The following TAF2 variants were observed in gnomAD, a reference collection of about 807,000 sequenced individuals.
The protein encoded by TAF2 is transcription initiation factor TFIID subunit 2.
TAF2 carries 61 observed loss-of-function variants against 138.5 expected under a neutral mutation model. The observed-to-expected ratio is 0.44, with a 90% CI of 0.36 to 0.54. The LOEUF is 0.54. Ranked by LOEUF, TAF2 falls within the 20% of genes least tolerant of loss-of-function variation. The pLI, the probability that TAF2 is intolerant of heterozygous loss-of-function variation, is 0.00. For missense variants in TAF2, 1,090 were observed against 1,427.9 expected (o/e 0.76, Z 3.81); for synonymous variants, 475 against 469.9 (o/e 1.01, Z -0.14).
intron 1 of TAF2, 148 bp from the exon 2 acceptor site, chr8:119,831,879 G>A (rs1048945052): frequency 1.3e-5 from 7 of 528,178 alleles, no homozygotes; most frequent in African/African-American, 2.0e-5. Flanking sequence ...TACGAATTGG[G>A]GCCTGGTGCG....
At chr8:119,780,870 G>A (rs985958987) in intron 17 of TAF2, among the ~76,000 whole-genome samples, 183 bp downstream of exon 17, 5 of 147,200 alleles carry the variant, frequency 3.4e-5, no homozygotes, top group African/African-American at 1.2e-4. Context: ...GGGAGGCGGA[G>A]CTTGCAGTGA....
intron 1 of TAF2, 151 bp from the exon 2 acceptor site, chr8:119,831,882 C>A: frequency 1.9e-6 from 1 of 525,130 alleles, no homozygotes; most frequent in Non-Finnish European, 3.1e-6. Flanking sequence ...GAATTGGGGC[C>A]TGGTGCGGTG....
chr8:119,789,569 T>C (rs1195264797), intron 12 of TAF2, 23 bp downstream of exon 12: 2 of 1,612,296 alleles, frequency 1.2e-6, no homozygotes, highest in Non-Finnish European at 1.7e-6. Flanking sequence ...CCCACTCTGT[T>C]GAACTGCTAT....
At chr8:119,746,584 TA>T in intron 23 of TAF2, 120 bp downstream of exon 23, 3 of 1,080,050 alleles carry the variant, frequency 2.8e-6, no homozygotes, top group Non-Finnish European at 4.2e-6. Context: ...CAGCATTTTT[TA>T]AAAGGACACA....
intron 10 of TAF2, 152 bp downstream of exon 10, chr8:119,793,214 G>T: frequency 1.9e-6 from 1 of 532,594 alleles, no homozygotes; most frequent in Non-Finnish European, 3.3e-6. Context: ...AATCTTATGA[G>T]CTTTATGAGT....
chr8:119,768,584 G>C (rs1821608637), intron 18 of TAF2, among the ~76,000 whole-genome samples: 1 of 152,186 alleles, frequency 6.6e-6, no homozygotes, highest in Non-Finnish European at 1.5e-5. Flanking sequence ...CCAAGCATAT[G>C]GTCAATTTGG....
rs146351425 is a variant in TAF2 at position 119,732,151 on chromosome 8, G to C, written c.3373C>G (p.Pro1125Ala). Residue 1125 changes from proline (P) to alanine (A), a missense_variant, in exon 26 of 26, where the codon CCA becomes GCA. Coordinates refer to ENST00000378164, the MANE Select transcript of TAF2 (RefSeq NM_003184.4). ...ACTGAGAGTGGAGCGCTTGCCGCTG[G>C]ATGCATACTCATCTCCAAAGGTGCT... The part of the protein sequence containing the change: ...EQAPLEMSMH[P>A]AASAPLSVFT... 6.8e-6 allele frequency: 11 copies of C among 1,614,016 alleles called. No homozygotes were observed. The African/African-American group carries it at 1.5e-4, about 22-fold the overall frequency.
At position 119,831,605 on chromosome 8, in the gene TAF2, T is replaced by C. The variant is rs1286438412; in HGVS notation, c.138+72A>G. 3 of 1,123,660 alleles carry C rather than the reference T, an allele frequency of 2.7e-6. No homozygotes were observed. The East Asian group carries it at 7.1e-5, about 27-fold the overall frequency. 69.6% of individuals were successfully genotyped at this position (1,123,660 alleles called of 1,614,324 possible). On this transcript the variant is annotated intron_variant, in intron 2 of 25. Coordinates refer to ENST00000378164, the MANE Select transcript of TAF2 (RefSeq NM_003184.4). ...TCTGGAAGACTACAAACTTTCTAAGTACTGTGAGGGGTGGATTGTTACTCT... is the reference window on the plus strand; with the variant it reads ...TCTGGAAGACTACAAACTTTCTAAGCACTGTGAGGGGTGGATTGTTACTCT...
chr8:119,760,961 C>T (rs1043648973), intron 19 of TAF2, among the ~76,000 whole-genome samples: 2 of 152,110 alleles, frequency 1.3e-5, no homozygotes, highest in Non-Finnish European at 2.9e-5. Flanking sequence ...TAATTTATCA[C>T]TAAAGAAAAA....
In TAF2 at chr8:119,832,626, T is replaced by A. The variant is rs770925039; in HGVS notation, c.-62A>T. 17 of 1,512,394 alleles carry A rather than the reference T, an allele frequency of 1.1e-5. No homozygotes were observed. In the African/African-American group the frequency reaches 2.1e-4, roughly 18 times the overall value. The allele number at this position is 1,512,394 out of a possible 1,614,324, so 93.7% of individuals were successfully genotyped here. A position where few individuals can be genotyped will look rare whatever the true frequency, so the allele number is the denominator to read the frequency against. On this transcript the variant is annotated 5_prime_UTR_variant, in exon 1 of 26. The change creates a new upstream start codon in the 5' untranslated region. Transcript: ENST00000378164. ...AGGGGGATACGGGGCATTACTAGTC[T>A]TTGGCACCTCACACTCTCCACTCCC... is the stretch of plus-strand genomic sequence containing the variant.
At position 119,812,885 on chromosome 8, in the gene TAF2, T is replaced by C. The variant is rs1825193412; in HGVS notation, c.299+6461A>G. ...TTAGGCTGGTTCCATATCTTTGCAA[T>C]TGTGAATTGTGCTGCAATAAACATA... On this transcript the variant is annotated intron_variant, in intron 3 of 25. Coordinates refer to ENST00000378164, the MANE Select transcript of TAF2 (RefSeq NM_003184.4). Among the ~76,000 whole-genome samples, 3 of 152,174 alleles carry C rather than the reference T, an allele frequency of 2.0e-5. 1 individual carries two copies. The highest frequency in any genetic ancestry group is 4.1e-4 in the South Asian group (2 of 4,832).
intron 16 of TAF2, among the ~76,000 whole-genome samples, chr8:119,782,720 T>C (rs1320273762): frequency 2.0e-5 from 3 of 152,236 alleles, no homozygotes; most frequent in Non-Finnish European, 4.4e-5. Context: ...AAAAAACATA[T>C]TTGGTTTTCT....
At chr8:119,739,367 G>C (rs1229132716) in intron 25 of TAF2, among the ~76,000 whole-genome samples, 1 of 152,026 alleles carries the variant, frequency 6.6e-6, no homozygotes, top group African/African-American at 2.4e-5. Flanking sequence ...CTCAGGAAAA[G>C]GAAAATAAAT....
intron 9 of TAF2, among the ~76,000 whole-genome samples, chr8:119,795,265 C>T (rs1348466438): frequency 1.3e-5 from 2 of 152,038 alleles, no homozygotes; most frequent in African/African-American, 4.8e-5. Context: ...CAAACGACTA[C>T]TATAAGGAGC....
In TAF2 at chr8:119,731,390, T is replaced by C. The variant is rs1334780116; in HGVS notation, c.*534A>G. On this transcript the variant is annotated 3_prime_UTR_variant, in exon 26 of 26. Transcript: ENST00000378164. ...AATAACATATTCTTTGTTCATAAATTCTGATGCTTAGTTTCTACGTTAATA... is the reference window on the plus strand; with the variant it reads ...AATAACATATTCTTTGTTCATAAATCCTGATGCTTAGTTTCTACGTTAATA... 6.5e-6 allele frequency: 1 copy of C among 152,744 alleles called. No homozygotes were observed. Among genetic ancestry groups the C allele is most frequent in the Admixed American group, 6.5e-5 (1 of 15,352 alleles). 9.5% of individuals were successfully genotyped at this position (152,744 alleles called of 1,614,324 possible).
At chr8:119,825,724 G>A (rs571261325) in intron 2 of TAF2, among the ~76,000 whole-genome samples, 12 of 152,070 alleles carry the variant, frequency 7.9e-5, no homozygotes, top group African/African-American at 9.6e-5. Context: ...TCGCTCTGTC[G>A]CCCAGGCTGG....
At position 119,731,002 on chromosome 8, in the gene TAF2, A is replaced by G. The variant is rs1212638329; in HGVS notation, c.*922T>C. 6.6e-6 allele frequency: 1 copy of G among 152,224 alleles called. No homozygotes were observed. Among genetic ancestry groups the G allele is most frequent in the East Asian group, 1.9e-4 (1 of 5,204 alleles). The allele number at this position is 152,224 out of a possible 1,614,324, so 9.4% of individuals were successfully genotyped here. The stretch of plus-strand genomic sequence containing the variant: ...ATATTTCATATGTTTTTAAATGCTT[A>G]TGGTATGAGAGCCAAATTGTCTATT... On this transcript the variant is annotated 3_prime_UTR_variant, in exon 26 of 26. Transcript: ENST00000378164.
intron 22 of TAF2, among the ~76,000 whole-genome samples, chr8:119,750,131 A>G (rs918870441): frequency 2.6e-5 from 4 of 152,210 alleles, no homozygotes; most frequent in African/African-American, 7.2e-5. Context: ...TCACAAGGTC[A>G]GGAGATCGAG....
intron 14 of TAF2, among the ~76,000 whole-genome samples, chr8:119,787,321 A>G (rs1247314488): frequency 1.3e-5 from 2 of 152,130 alleles, no homozygotes; most frequent in South Asian, 2.1e-4. Flanking sequence ...TAACCCGCAC[A>G]TTGTGCACAT....
Sources: gnomAD v4.1 joint callset for allele counts (sites outside exome capture counted in the v4.1 genomes callset) on GRCh38, gnomAD v4.1.1 for gene constraint, MANE v1.5 for transcripts, NCBI Gene and HGNC (gene_info 2026-07-23, HGNC 2026-07-21) for gene names.